The following MEAK7 variants were observed in gnomAD, a reference collection of about 807,000 sequenced individuals.
The protein encoded by MEAK7 is MTOR-associated protein MEAK7.
A neutral mutation model predicts 40.5 loss-of-function variants in MEAK7; 68 were observed. That is an observed-to-expected ratio of 1.68 (90% CI 1.38 to 2.06). MEAK7 has a LOEUF of 2.06. Among genes scored for constraint, MEAK7 ranks in the 30% most tolerant of loss-of-function variants. MEAK7 has a pLI of 0.00. For missense variants in MEAK7, 918 were observed against 580.5 expected (o/e 1.58, Z -5.98); for synonymous variants, 338 against 231.9 (o/e 1.46, Z -4.16).
rs529974155 is a variant in MEAK7 at position 84,478,984 on chromosome 16, G to C, written c.*929C>G. 16 of 152,316 alleles carry C rather than the reference G, an allele frequency of 1.1e-4. No individual in the cohort carries two copies. Among genetic ancestry groups the C allele is most frequent in the African/African-American group, 3.8e-4 (16 of 41,572 alleles). The allele number at this position is 152,316 out of a possible 1,614,324, so 9.4% of individuals were successfully genotyped here. A position where few individuals can be genotyped will look rare whatever the true frequency, so the allele number is the denominator to read the frequency against. ...TAGGGTGCCCAATGTCCCTCACCTT[G>C]AAGTTAGCAAGAGAACCACAACTTT... On this transcript the variant is annotated 3_prime_UTR_variant, in exon 8 of 8. Coordinates refer to ENST00000343629, the MANE Select transcript of MEAK7 (RefSeq NM_020947.4).
chr16:84,491,077 A>G (rs928549707), intron 3 of MEAK7, among the ~76,000 whole-genome samples: 9 of 152,206 alleles, frequency 5.9e-5, no homozygotes, highest in African/African-American at 2.2e-4. Context: ...AAAGATCAAC[A>G]AAAATATGAA....
intron 3 of MEAK7, among the ~76,000 whole-genome samples, chr16:84,493,541 G>C (rs1211647922): frequency 2.0e-5 from 3 of 152,236 alleles, no homozygotes; most frequent in East Asian, 3.9e-4. Flanking sequence ...TTTTTTTCCA[G>C]AGTCAAGAAA....
chr16:84,489,471 G>C, intron 3 of MEAK7, 49 bp from the exon 4 acceptor site: 1 of 1,548,836 alleles, frequency 6.5e-7, no homozygotes, highest in Non-Finnish European at 8.7e-7. Context: ...CATATCCTGA[G>C]ACCTATGTCA....
chr16:84,502,211 G>A (rs1282560241), intron 1 of MEAK7, among the ~76,000 whole-genome samples: 2 of 152,124 alleles, frequency 1.3e-5, no homozygotes, highest in Non-Finnish European at 2.9e-5. Flanking sequence ...GCTTGTACCA[G>A]TGGAGCTCGA....
At chr16:84,495,326 T>A (rs546491279) in intron 3 of MEAK7, among the ~76,000 whole-genome samples, 1 of 152,312 alleles carries the variant, frequency 6.6e-6, no homozygotes, top group East Asian at 1.9e-4. Context: ...CACCTGATCA[T>A]ATGTAAAGTG....
intron 5 of MEAK7, among the ~76,000 whole-genome samples, chr16:84,485,817 G>C (rs1309643647): frequency 2.6e-5 from 4 of 152,182 alleles, no homozygotes; most frequent in Non-Finnish European, 4.4e-5. Flanking sequence ...ACGTAGCTGG[G>C]ATTACAGGCA....
intron 6 of MEAK7, 106 bp downstream of exon 6, chr16:84,482,486 T>G: frequency 6.4e-7 from 1 of 1,566,108 alleles, no homozygotes; most frequent in Non-Finnish European, 8.7e-7. Context: ...CGTGAGGAAC[T>G]GAATGCCACG....
intron 1 of MEAK7, among the ~76,000 whole-genome samples, chr16:84,499,719 CTG>C (rs1319926405): frequency 6.6e-6 from 1 of 152,164 alleles, no homozygotes; most frequent in Non-Finnish European, 1.5e-5. Context: ...TGATGCATTT[CTG>C]TATTCTGGGC....
intron 3 of MEAK7, among the ~76,000 whole-genome samples, chr16:84,491,171 G>A (rs1348590595): frequency 6.6e-6 from 1 of 152,248 alleles, no homozygotes; most frequent in Non-Finnish European, 1.5e-5. Context: ...TGGGCGTGGT[G>A]GCTCACGCCT....
At chr16:84,497,743 A>G in intron 2 of MEAK7, 191 bp downstream of exon 2, 1 of 1,332,844 alleles carries the variant, frequency 7.5e-7, no homozygotes, top group Non-Finnish European at 1.0e-6. Flanking sequence ...GGCAGAGCAG[A>G]GGAGCTACAA....
At position 84,477,621 on chromosome 16, in the gene MEAK7, C is replaced by G. The variant is rs1197105654; in HGVS notation, c.*2292G>C. On this transcript the variant is annotated 3_prime_UTR_variant, in exon 8 of 8. Coordinates refer to ENST00000343629, the MANE Select transcript of MEAK7 (RefSeq NM_020947.4). Reference sequence around the variant, plus strand: ...CTTCCTCCTAGCACTTTCTAGGGCCCTGATAAGTCTTCATTTGTAGGGAGA... The same window carrying G: ...CTTCCTCCTAGCACTTTCTAGGGCCGTGATAAGTCTTCATTTGTAGGGAGA... 2 of 124,280 alleles carry G rather than the reference C, an allele frequency of 1.6e-5. No homozygotes were observed. The highest frequency in any genetic ancestry group is 4.2e-4 in the East Asian group (2 of 4,718). 7.7% of individuals were successfully genotyped at this position (124,280 alleles called of 1,614,324 possible).
intron 1 of MEAK7, among the ~76,000 whole-genome samples, chr16:84,503,348 A>G (rs1914650973): frequency 6.6e-6 from 1 of 152,120 alleles, no homozygotes; most frequent in Non-Finnish European, 1.5e-5. Context: ...CTTCAGTAAC[A>G]AACTGCTAGG....
rs572998761 is a variant in MEAK7, at chr16:84,490,376, A to C, written c.385-954T>G. Among the ~76,000 whole-genome samples the C allele has an allele frequency of 6.1e-5, 9 of 147,892 alleles. 1 individual carries two copies. In the South Asian group the frequency reaches 2.0e-3, roughly 32 times the overall value. The stretch of plus-strand genomic sequence containing the variant: ...TTTATTTCCATAACCTTTACTAGCC[A>C]GGCCCAAACTAAAAGACCCAGGGCA... On this transcript the variant is annotated intron_variant, in intron 3 of 7. Coordinates refer to ENST00000343629, the MANE Select transcript of MEAK7 (RefSeq NM_020947.4).
intron 3 of MEAK7, among the ~76,000 whole-genome samples, chr16:84,489,748 C>A (rs1426634637): frequency 6.6e-6 from 1 of 152,088 alleles, no homozygotes; most frequent in Admixed American, 6.5e-5. Context: ...CAGGAGCTAC[C>A]CCCTCCAGAA....
At chr16:84,501,262 G>C (rs1169387752) in intron 1 of MEAK7, among the ~76,000 whole-genome samples, 1 of 152,112 alleles carries the variant, frequency 6.6e-6, no homozygotes, top group Admixed American at 6.5e-5. Context: ...CCAGGAAGTG[G>C]GAACAGCACG....
Position 84,485,488 on chromosome 16 carries a change from G to T in MEAK7, c.958+1143C>A, listed in dbSNP as rs540893698. Among the ~76,000 whole-genome samples, 4 of 152,292 alleles carry T rather than the reference G, an allele frequency of 2.6e-5. No individual in the cohort carries two copies. In the South Asian group the frequency reaches 8.3e-4, roughly 32 times the overall value. On this transcript the variant is annotated intron_variant, in intron 5 of 7. Transcript: ENST00000343629. ...CGGCCTTCAGAACCTCTGCCTGGTGGAGAAATGACGATTCCAGAGGTGCGG... is the reference window on the plus strand; with the variant it reads ...CGGCCTTCAGAACCTCTGCCTGGTGTAGAAATGACGATTCCAGAGGTGCGG...
intron 5 of MEAK7, among the ~76,000 whole-genome samples, chr16:84,485,384 G>A (rs1912943084): frequency 6.6e-6 from 1 of 152,192 alleles, no homozygotes; most frequent in Non-Finnish European, 1.5e-5. Flanking sequence ...GGTGACCCCT[G>A]CTACCTATTC....
At chr16:84,494,183 C>A (rs1007547436) in intron 3 of MEAK7, among the ~76,000 whole-genome samples, 1 of 152,170 alleles carries the variant, frequency 6.6e-6, no homozygotes, top group Admixed American at 6.5e-5. Context: ...GCAAAATAAT[C>A]AAGCTAAGTA....
Position 84,480,760 on chromosome 16 carries a change from T to C in MEAK7, c.1078-52A>G, listed in dbSNP as rs779436338. The C allele has an allele frequency of 2.0e-6, 3 of 1,537,100 alleles. No homozygotes were observed. In the South Asian group the frequency reaches 3.8e-5, roughly 19 times the overall value. ...AGCATCAGCAACTCCTCAGGGTCTGTGGACATCAAATACCACAAGCCAGCC... is the reference window on the plus strand; with the variant it reads ...AGCATCAGCAACTCCTCAGGGTCTGCGGACATCAAATACCACAAGCCAGCC... On this transcript the variant is annotated intron_variant, in intron 6 of 7. Transcript: ENST00000343629.
Sources: allele counts gnomAD v4.1 joint callset (sites outside exome capture counted in the v4.1 genomes callset), GRCh38; gene constraint gnomAD v4.1.1; transcripts MANE v1.5; gene names NCBI Gene and HGNC (gene_info 2026-07-23, HGNC 2026-07-21).